SRFBP1: variants seen among roughly 807,000 people sequenced by gnomAD.
SRFBP1 encodes the protein serum response factor-binding protein 1.
In SRFBP1, 47 loss-of-function variants were observed where a neutral mutation model predicts 45.5. The ratio of observed to expected loss-of-function variants is 1.03; its 90% confidence interval spans 0.82 to 1.32. The LOEUF is 1.32. Among genes scored for constraint, SRFBP1 ranks in the 40% most tolerant of loss-of-function variants. The pLI is 0.00. For missense variants in SRFBP1, 621 were observed against 484.6 expected (o/e 1.28, Z -2.64); for synonymous variants, 203 against 166.3 (o/e 1.22, Z -1.70).
At chr5:121,973,607 T>G (rs2112817213) in intron 1 of SRFBP1, among the ~76,000 whole-genome samples, 1 of 128,780 alleles carries the variant, frequency 7.8e-6, no homozygotes, top group Non-Finnish European at 1.7e-5. Flanking sequence ...TGTGTGTGCA[T>G]GTGTGTGTGG....
chr5:122,014,077 T>C (rs1253171794), intron 4 of SRFBP1, among the ~76,000 whole-genome samples: 1 of 152,190 alleles, frequency 6.6e-6, no homozygotes, highest in Non-Finnish European at 1.5e-5. Context: ...AAGTGGTAGA[T>C]ATGGTAATTA....
chr5:121,969,317 T>C (rs1178992343), intron 1 of SRFBP1, among the ~76,000 whole-genome samples: 3 of 152,136 alleles, frequency 2.0e-5, no homozygotes, highest in Non-Finnish European at 4.4e-5. Flanking sequence ...GGGGTTTTAG[T>C]TGCATGATTC....
intron 1 of SRFBP1, among the ~76,000 whole-genome samples, chr5:121,968,996 G>A (rs1752133903): frequency 6.6e-6 from 1 of 152,118 alleles, no homozygotes; most frequent in African/African-American, 2.4e-5. Context: ...AATTTTCAGA[G>A]GCTAACTGGT....
intron 3 of SRFBP1, 60 bp downstream of exon 3, chr5:121,975,447 T>A: frequency 5.0e-6 from 8 of 1,585,950 alleles, no homozygotes; most frequent in Non-Finnish European, 6.9e-6. Flanking sequence ...TATCCTGCAT[T>A]TTGTTTGTGT....
intron 4 of SRFBP1, among the ~76,000 whole-genome samples, chr5:122,002,521 C>T (rs776307453): frequency 2.6e-5 from 4 of 152,110 alleles, no homozygotes; most frequent in South Asian, 2.1e-4. Flanking sequence ...TTTAGAATTA[C>T]GTATTGTGAA....
intron 1 of SRFBP1, 39 bp from the exon 2 acceptor site, chr5:121,974,157 T>G: frequency 7.1e-7 from 1 of 1,399,700 alleles, no homozygotes; most frequent in Non-Finnish European, 1.0e-6. Flanking sequence ...GTTCCTGAAG[T>G]AAGTGCCTTT....
chr5:122,004,378 G>T (rs1752938265), intron 4 of SRFBP1, among the ~76,000 whole-genome samples: 1 of 152,056 alleles, frequency 6.6e-6, no homozygotes, highest in African/African-American at 2.4e-5. Context: ...TTATTGAACA[G>T]ACTGTCCTTT....
At chr5:122,035,631 A>G (rs1309182249) in intron 2 of SRFBP1, among the ~76,000 whole-genome samples, 1 of 152,206 alleles carries the variant, frequency 6.6e-6, no homozygotes, top group Non-Finnish European at 1.5e-5. Context: ...TAGAGTGGAA[A>G]TAATGATCAT....
intron 3 of SRFBP1, 141 bp from the exon 4 acceptor site, chr5:121,994,458 G>T: frequency 3.2e-6 from 2 of 616,196 alleles, no homozygotes; most frequent in Non-Finnish European, 5.7e-6. Flanking sequence ...TTTCAACTCT[G>T]TCATATTTTA....
In SRFBP1 at chr5:121,994,659, A is replaced by AGAAAACC. The variant is rs1752683654; in HGVS notation, c.259_260insGAAAACC (p.Ile87ArgfsTer13). The stretch of plus-strand genomic sequence containing the variant: ...TGGTGATGATATCAACTTTGAAAAA[A>AGAAAACC]TCTTCAAAAAGGTATATCTGCAATA... On this transcript the variant is annotated frameshift_variant, in exon 4 of 8. Transcript: ENST00000339397. LOFTEE classifies it high-confidence loss of function. The AGAAAACC allele has an allele frequency of 5.0e-6, 8 of 1,591,952 alleles. No homozygotes were observed. Among genetic ancestry groups the AGAAAACC allele is most frequent in the Non-Finnish European group, 6.0e-6 (7 of 1,167,802 alleles).
intron 2 of SRFBP1, among the ~76,000 whole-genome samples, chr5:122,046,129 G>A (rs1005526531): frequency 5.9e-5 from 9 of 152,054 alleles, no homozygotes; most frequent in Non-Finnish European, 1.5e-5. Context: ...CATGTGCCAT[G>A]TTGGTGTGCT....
At position 121,990,415 on chromosome 5, in the gene SRFBP1, G is replaced by A. The variant is rs530521883; in HGVS notation, c.199-4184G>A. Among the ~76,000 whole-genome samples the A allele has an allele frequency of 1.4e-4, 22 of 152,226 alleles. No homozygotes were observed. The South Asian group carries it at 2.7e-3, about 19-fold the overall frequency. On this transcript the variant is annotated intron_variant, in intron 3 of 7. Coordinates refer to ENST00000339397, the MANE Select transcript of SRFBP1 (RefSeq NM_152546.3). ...ACTTAAAATGGGAGCAGGAGACACCGTGGACTACTAGCGGGTGGAGTGGGG... is the reference window on the plus strand; with the variant it reads ...ACTTAAAATGGGAGCAGGAGACACCATGGACTACTAGCGGGTGGAGTGGGG...
At chr5:122,052,824 G>A (rs528744333) in intron 2 of SRFBP1, among the ~76,000 whole-genome samples, 11 of 152,300 alleles carry the variant, frequency 7.2e-5, no homozygotes, top group Admixed American at 5.2e-4. Flanking sequence ...GAGGCTTTTT[G>A]AGTGCTCAGA....
At chr5:122,013,803 A>G (rs1202054622) in intron 4 of SRFBP1, among the ~76,000 whole-genome samples, 3 of 152,160 alleles carry the variant, frequency 2.0e-5, no homozygotes, top group African/African-American at 4.8e-5. Context: ...ATGGAAGTCA[A>G]ATTTGGTAAA....
chr5:122,038,252 A>G (rs1753722321), intron 2 of SRFBP1, among the ~76,000 whole-genome samples: 1 of 152,170 alleles, frequency 6.6e-6, no homozygotes, highest in Non-Finnish European at 1.5e-5. Context: ...TGATACTCCT[A>G]TAGGGGTGGG....
At chr5:122,050,588 G>T (rs928332269) in intron 2 of SRFBP1, among the ~76,000 whole-genome samples, 1 of 151,930 alleles carries the variant, frequency 6.6e-6, no homozygotes, top group Admixed American at 6.6e-5. Flanking sequence ...TATTTCTGTG[G>T]GGTCAGTGGT....
Position 122,037,719 on chromosome 5 carries a change from C to T in SRFBP1, n.311+15312C>T, listed in dbSNP as rs556253950. 1.1e-4 allele frequency among the ~76,000 whole-genome samples: 17 copies of T among 151,888 alleles called. No individual in the cohort carries two copies. In the South Asian group the frequency reaches 2.9e-3, roughly 26 times the overall value. On this transcript the variant is annotated intron_variant and non_coding_transcript_variant, in intron 2 of 2. Coordinates refer to the SRFBP1 transcript ENST00000504881. Reference sequence around the variant, plus strand: ...GAGATGGAGCCTCACCACGTTGCCACGTCGCCCAGGCTGATCTCAAACGCC... The same window carrying T: ...GAGATGGAGCCTCACCACGTTGCCATGTCGCCCAGGCTGATCTCAAACGCC...
intron 1 of SRFBP1, among the ~76,000 whole-genome samples, chr5:121,971,876 C>A (rs1289605555): frequency 6.6e-6 from 1 of 151,876 alleles, no homozygotes; most frequent in Non-Finnish European, 1.5e-5. Context: ...ATTTCAGGGG[C>A]TTTTTTGGAA....
rs757270066 is a variant in SRFBP1 at position 122,027,151 on chromosome 5, T to G, written c.*25T>G. 1.3e-6 allele frequency: 2 copies of G among 1,568,820 alleles called. No homozygotes were observed. Among genetic ancestry groups the G allele is most frequent in the Non-Finnish European group, 1.7e-6 (2 of 1,157,800 alleles). On this transcript the variant is annotated 3_prime_UTR_variant, in exon 8 of 8. Transcript: ENST00000339397. Reference sequence around the variant, plus strand: ...ATTAGTGCCTCTTTCTGCAAACTTTTCCATCTAAAAAAAAAAATGTTTTTT... The same window carrying G: ...ATTAGTGCCTCTTTCTGCAAACTTTGCCATCTAAAAAAAAAAATGTTTTTT...
Sources: allele counts gnomAD v4.1 joint callset (sites outside exome capture counted in the v4.1 genomes callset), GRCh38; gene constraint gnomAD v4.1.1; transcripts MANE v1.5; gene names NCBI Gene and HGNC (gene_info 2026-07-23, HGNC 2026-07-21).